SLC17A6: variants seen among roughly 807,000 people sequenced by gnomAD.
The protein encoded by SLC17A6 is solute carrier family 17 member 6.
SLC17A6 carries 35 observed loss-of-function variants against 67.1 expected under a neutral mutation model. The ratio of observed to expected loss-of-function variants is 0.52; its 90% CI spans 0.40 to 0.69. The LOEUF is 0.69. Ranked by LOEUF, SLC17A6 falls within the 30% of genes least tolerant of loss-of-function variation. SLC17A6 has a pLI of 0.00. For synonymous variants in SLC17A6, 285 were observed against 252.3 expected (o/e 1.13, Z -1.23); for missense variants, 588 against 723.9 (o/e 0.81, Z 2.15).
At position 22,376,669 on chromosome 11, in the gene SLC17A6, T is replaced by C. The variant is rs1361148604; in HGVS notation, c.1410T>C (p.Asn470=). ...TCATTGTTGGTGCAATGACAAAGAA[T>C]AAGGTAAGATGGTCAAAACAGATGT... The part of the protein sequence containing the change: ...CPIIVGAMTK[N]KSREEWQYVF... Residue 470 remains asparagine, a synonymous_variant, in exon 11 of 12, where the codon AAT becomes AAC. Coordinates refer to ENST00000263160, the MANE Select transcript of SLC17A6 (RefSeq NM_020346.3). 2 of 1,613,836 alleles carry C rather than the reference T, an allele frequency of 1.2e-6. No homozygotes were observed. Among genetic ancestry groups the C allele is most frequent in the Non-Finnish European group, 1.7e-6 (2 of 1,179,824 alleles).
chr11:22,377,690 G>C lies in SLC17A6; in HGVS notation c.1699G>C (p.Gly567Arg). The change falls in exon 12 of 12, where the codon GGA (glycine) becomes CGA (arginine). Residue 567 changes from glycine (G) to arginine (R), a missense_variant. Physicochemically the swap from Gly to Arg is moderately radical, Grantham distance 125. This residue lies in a region of SLC17A6 where 414 missense variants were observed against 563.4 expected (regional missense o/e 0.73). Transcript: ENST00000263160. Reference protein sequence around the residue: ...GWEKKEEFVQGEVQDSHSYKD... With the variant: ...GWEKKEEFVQREVQDSHSYKD... ...GGAAAAGAAAGAGGAATTTGTACAA[G>C]GAGAAGTACAAGACTCACATAGCTA... The C allele has an allele frequency of 6.2e-7, 1 of 1,611,440 alleles. No individual in the cohort carries two copies. The highest frequency in any genetic ancestry group is 8.5e-7 in the Non-Finnish European group (1 of 1,179,248).
At chr11:22,349,563 C>T (rs1855914996) in intron 3 of SLC17A6, among the ~76,000 whole-genome samples, 1 of 152,186 alleles carries the variant, frequency 6.6e-6, no homozygotes, top group South Asian at 2.1e-4. Flanking sequence ...GCTTTTCCCG[C>T]TGCTGCAGCA....
At chr11:22,349,319 T>C (rs1386345838) in intron 3 of SLC17A6, among the ~76,000 whole-genome samples, 1 of 152,192 alleles carries the variant, frequency 6.6e-6, no homozygotes, top group Non-Finnish European at 1.5e-5. Flanking sequence ...ATCTCGTGCA[T>C]CTAGCTGCCA....
chr11:22,350,706 A>G (rs1226510866), intron 3 of SLC17A6, among the ~76,000 whole-genome samples: 3 of 152,158 alleles, frequency 2.0e-5, no homozygotes, highest in African/African-American at 7.2e-5. Context: ...TCTGACTTAT[A>G]TTCACACCAG....
At chr11:22,354,754 T>G (rs1229740741) in intron 3 of SLC17A6, among the ~76,000 whole-genome samples, 1 of 152,244 alleles carries the variant, frequency 6.6e-6, no homozygotes, top group Non-Finnish European at 1.5e-5. Flanking sequence ...CTATATGATG[T>G]TGGCAAGTTA....
chr11:22,345,277 CTCAGGT>C (rs1164386275), intron 3 of SLC17A6, among the ~76,000 whole-genome samples: 2 of 149,902 alleles, frequency 1.3e-5, no homozygotes, highest in Non-Finnish European at 3.0e-5. Context: ...GTGATGCTGA[CTCAGGT>C]TCTAATTTAT....
Position 22,338,521 on chromosome 11 carries a change from A to T in SLC17A6, c.-13A>T. On this transcript the variant is annotated 5_prime_UTR_variant, in exon 1 of 12. Transcript: ENST00000263160. Reference sequence around the variant, plus strand: ...TTTAAATCTGGCAAGAACTGACAACAGTCTTTGCAAGAATGGAATCCGTAA... The same window carrying T: ...TTTAAATCTGGCAAGAACTGACAACTGTCTTTGCAAGAATGGAATCCGTAA... 1 of 1,592,576 alleles carries T rather than the reference A, an allele frequency of 6.3e-7. No individual in the cohort carries two copies. Among genetic ancestry groups the T allele is most frequent in the Non-Finnish European group, 8.6e-7 (1 of 1,160,934 alleles).
intron 3 of SLC17A6, among the ~76,000 whole-genome samples, chr11:22,346,090 T>C (rs896674194): frequency 1.4e-4 from 21 of 152,196 alleles, no homozygotes; most frequent in African/African-American, 5.1e-4. Context: ...TTCTCTATAT[T>C]GATCACTTAA....
chr11:22,367,848 C>A (rs1856129924), intron 7 of SLC17A6, among the ~76,000 whole-genome samples: 1 of 152,130 alleles, frequency 6.6e-6, no homozygotes, highest in Non-Finnish European at 1.5e-5. Context: ...TATTTTACTT[C>A]TTACTGATGT....
rs57725309 is a variant in SLC17A6, at chr11:22,339,151, A to ATGTTATATATATATGTTATATATATAT, written c.86+532_86+533insTGTTATATATATATGTTATATATATAT. Among the ~76,000 whole-genome samples, 2 of 29,796 alleles carry ATGTTATATATATATGTTATATATATAT rather than the reference A, an allele frequency of 6.7e-5. 1 individual carries two copies. The highest frequency in any genetic ancestry group is 3.6e-4 in the African/African-American group (2 of 5,578). 19.5% of individuals were successfully genotyped at this position (29,796 alleles called of 152,430 possible). On this transcript the variant is annotated intron_variant, in intron 1 of 11. Coordinates refer to ENST00000263160, the MANE Select transcript of SLC17A6 (RefSeq NM_020346.3). The stretch of plus-strand genomic sequence containing the variant: ...TATGTTATATATATATGTTATATAT[A>ATGTTATATATATATGTTATATATATAT]GTTATATATATATGTTATATATATA...
intron 3 of SLC17A6, among the ~76,000 whole-genome samples, chr11:22,349,777 G>A (rs1855918076): frequency 6.6e-6 from 1 of 152,234 alleles, no homozygotes; most frequent in African/African-American, 2.4e-5. Context: ...GCTCATGCCT[G>A]TGTATTCCCT....
chr11:22,374,985 G>A (rs1856216856), intron 9 of SLC17A6, 98 bp downstream of exon 9: 1 of 1,198,122 alleles, frequency 8.3e-7, no homozygotes, highest in South Asian at 1.9e-5. Context: ...TTACTTAGAT[G>A]CAGTTACATT....
At chr11:22,364,168 C>T (rs141391596) in intron 6 of SLC17A6, among the ~76,000 whole-genome samples, 28 of 152,020 alleles carry the variant, frequency 1.8e-4, no homozygotes, top group African/African-American at 2.9e-4. Flanking sequence ...ATTCAGTTTT[C>T]GCATTTTAAA....
chr11:22,343,382 G>T lies in SLC17A6; in HGVS notation c.458+17G>T. 6.3e-7 allele frequency: 1 copy of T among 1,595,970 alleles called. No individual in the cohort carries two copies. The highest frequency in any genetic ancestry group is 8.5e-7 in the Non-Finnish European group (1 of 1,170,342). On this transcript the variant is annotated intron_variant, in intron 3 of 11. Coordinates refer to ENST00000263160, the MANE Select transcript of SLC17A6 (RefSeq NM_020346.3). Reference sequence around the variant, plus strand: ...AGCCAACAGGTAATGCGCCAGGCGGGACTGGGGCTCGGGGCGTGGTGTTTG... The same window carrying T: ...AGCCAACAGGTAATGCGCCAGGCGGTACTGGGGCTCGGGGCGTGGTGTTTG...
At chr11:22,376,483 A>G in intron 10 of SLC17A6, 62 bp from the exon 11 acceptor site, 12 of 1,593,568 alleles carry the variant, frequency 7.5e-6, no homozygotes, top group East Asian at 2.2e-5. Context: ...GTGTGGTTCT[A>G]TAGGTATTTA....
chr11:22,340,163 T>C (rs1816307734), intron 1 of SLC17A6, among the ~76,000 whole-genome samples: 1 of 152,212 alleles, frequency 6.6e-6, no homozygotes, highest in Non-Finnish European at 1.5e-5. Flanking sequence ...GCTTTACCCG[T>C]GTGTGTGAAA....
intron 3 of SLC17A6, among the ~76,000 whole-genome samples, chr11:22,346,892 G>A (rs958260342): frequency 6.7e-6 from 1 of 149,876 alleles, no homozygotes; most frequent in African/African-American, 2.4e-5. Flanking sequence ...ACCATAGAAG[G>A]TCAGATACAG....
chr11:22,348,463 C>T (rs1855902580), intron 3 of SLC17A6, among the ~76,000 whole-genome samples: 1 of 152,126 alleles, frequency 6.6e-6, no homozygotes. Flanking sequence ...CTTTTCTCCG[C>T]AAAAGGCAAA....
intron 8 of SLC17A6, 134 bp downstream of exon 8, chr11:22,370,322 GA>G: frequency 1.4e-6 from 1 of 709,458 alleles, no homozygotes; most frequent in Non-Finnish European, 2.2e-6. Flanking sequence ...TAACTGCTAG[GA>G]AATAGAAGCA....
Sources: allele counts gnomAD v4.1 joint callset (sites outside exome capture counted in the v4.1 genomes callset), GRCh38; gene constraint gnomAD v4.1.1; regional missense constraint gnomAD v4.1.1; transcripts MANE v1.5; gene names NCBI Gene and HGNC (gene_info 2026-07-23, HGNC 2026-07-21).